Variants in FDFT1 observed in about 807,000 individuals in gnomAD.
FDFT1 encodes squalene synthase.
In FDFT1, 68 loss-of-function variants were observed where a neutral mutation model predicts 46.8. The observed-to-expected ratio is 1.45, with a 90% CI of 1.19 to 1.78. FDFT1 has a LOEUF of 1.78. Among genes scored for constraint, FDFT1 ranks in the 40% most tolerant of loss-of-function variants. The pLI, the probability that FDFT1 is intolerant of heterozygous loss-of-function variation, is 0.00. For missense variants in FDFT1, 928 were observed against 524.4 expected, an observed-to-expected ratio of 1.77 and a Z score of -7.52; for synonymous variants, 351 against 185.1, an observed-to-expected ratio of 1.90 and a Z score of -7.28.
chr8:11,804,903 C>T (rs1182604451), intron 1 of FDFT1, among the ~76,000 whole-genome samples: 3 of 140,230 alleles, frequency 2.1e-5, no homozygotes, highest in Non-Finnish European at 4.5e-5. Flanking sequence ...GCCACTGCAC[C>T]CGGCCTTTTT....
chr8:11,809,827 C>T lies in FDFT1; in HGVS notation c.358C>T (p.Gln120Ter), dbSNP rs1261805655. 6.2e-7 allele frequency: 1 copy of T among 1,613,742 alleles called. No individual in the cohort carries two copies. Among genetic ancestry groups the T allele is most frequent in the Non-Finnish European group, 8.5e-7 (1 of 1,179,766 alleles). The change falls in exon 3 of 8, where the codon CAG (glutamine) becomes TAG (stop). Residue 120 changes from glutamine (Q) to a stop codon, truncating the protein, a stop_gained. Coordinates refer to ENST00000220584, the MANE Select transcript of FDFT1 (RefSeq NM_004462.5). LOFTEE classifies it high-confidence loss of function. ...RFMESKEKDRQVLEDFPTISL... is the reference protein window; with the variant it reads ...RFMESKEKDR Reference sequence around the variant, plus strand: ...CATGGAGAGCAAGGAGAAGGATCGCCAGGTGCTGGAGGACTTCCCAACGGT... The same window carrying T: ...CATGGAGAGCAAGGAGAAGGATCGCTAGGTGCTGGAGGACTTCCCAACGGT...
chr8:11,804,272 T>A (rs997900688), intron 1 of FDFT1, among the ~76,000 whole-genome samples: 4 of 152,224 alleles, frequency 2.6e-5, no homozygotes, highest in African/African-American at 9.6e-5. Flanking sequence ...CAGACTTCAT[T>A]CCTCTATGTC....
chr8:11,818,571 ATAGT>A (rs1167713228), intron 3 of FDFT1, among the ~76,000 whole-genome samples: 1 of 152,188 alleles, frequency 6.6e-6, no homozygotes, highest in Non-Finnish European at 1.5e-5. Flanking sequence ...TATGTTTAAG[ATAGT>A]TAGCTCTTCT....
intron 7 of FDFT1, among the ~76,000 whole-genome samples, chr8:11,832,787 C>T (rs1029095345): frequency 2.6e-5 from 4 of 151,988 alleles, no homozygotes; most frequent in African/African-American, 9.7e-5. Context: ...AGGTGTGATC[C>T]TGTTGAGAAT....
upstream of FDFT1, among the ~76,000 whole-genome samples, chr8:11,798,715 C>G (rs368507732): frequency 6.6e-6 from 1 of 152,304 alleles, no homozygotes; most frequent in African/African-American, 2.4e-5. Context: ...CTATACGCAG[C>G]TCAATTCAAT....
chr8:11,826,359 A>T (rs1809990943), intron 5 of FDFT1, 144 bp downstream of exon 5: 2 of 535,326 alleles, frequency 3.7e-6, no homozygotes, highest in East Asian at 5.9e-5. Context: ...GGATAGCTTG[A>T]CATGAGTTTG....
intron 1 of FDFT1, among the ~76,000 whole-genome samples, chr8:11,804,045 A>G (rs923133541): frequency 2.0e-5 from 3 of 152,396 alleles, no homozygotes; most frequent in African/African-American, 7.2e-5. Flanking sequence ...TTTAACAAAT[A>G]TTTGACGACC....
At chr8:11,811,809 A>G (rs543049296) in intron 3 of FDFT1, among the ~76,000 whole-genome samples, 5 of 152,314 alleles carry the variant, frequency 3.3e-5, no homozygotes, top group African/African-American at 1.2e-4. Flanking sequence ...ATGAAGATGT[A>G]CTAAGTTGTG....
intron 7 of FDFT1, among the ~76,000 whole-genome samples, chr8:11,832,567 A>AAAAAAAAAAAAAAAT (rs1563341472): frequency 6.7e-6 from 1 of 149,048 alleles, no homozygotes; most frequent in Non-Finnish European, 1.5e-5. Flanking sequence ...AAAAAAAAAA[A>AAAAAAAAAAAAAAAT]AAAAAAAAAG....
intron 3 of FDFT1, among the ~76,000 whole-genome samples, chr8:11,810,655 G>C (rs2280943): frequency 6.6e-6 from 1 of 152,160 alleles, no homozygotes; most frequent in Non-Finnish European, 1.5e-5. Context: ...GTGGACATCT[G>C]CCTAGGTCCT....
At position 11,830,436 on chromosome 8, in the gene FDFT1, C is replaced by A; in HGVS notation, c.879+16C>A. On this transcript the variant is annotated intron_variant, in intron 6 of 7. Coordinates refer to ENST00000220584, the MANE Select transcript of FDFT1 (RefSeq NM_004462.5). ...TATTCCACAGGTAGGGAAGGGGGCT[C>A]CTCTGGGTGGATACGGGGCTAAAGG... 1 of 1,593,932 alleles carries A rather than the reference C, an allele frequency of 6.3e-7. No individual in the cohort carries two copies. Among genetic ancestry groups the A allele is most frequent in the Non-Finnish European group, 8.6e-7 (1 of 1,162,944 alleles).
intron 7 of FDFT1, among the ~76,000 whole-genome samples, chr8:11,835,672 G>C (rs925297595): frequency 6.6e-6 from 1 of 152,078 alleles, no homozygotes; most frequent in Non-Finnish European, 1.5e-5. Context: ...AAGTACAACA[G>C]GCTAACAAAG....
At chr8:11,821,694 G>A in intron 3 of FDFT1, 56 bp from the exon 4 acceptor site, 1 of 1,588,616 alleles carries the variant, frequency 6.3e-7, no homozygotes, top group South Asian at 1.1e-5. Flanking sequence ...TGTGATCTTT[G>A]GTGCCATGTC....
intron 3 of FDFT1, among the ~76,000 whole-genome samples, chr8:11,817,660 T>G (rs1385511321): frequency 1.3e-5 from 2 of 152,236 alleles, no homozygotes; most frequent in African/African-American, 4.8e-5. Flanking sequence ...CATAGAGGTG[T>G]TGATAGTATT....
At position 11,826,079 on chromosome 8, in the gene FDFT1, C is replaced by T. The variant is rs1051985405; in HGVS notation, c.566C>T (p.Ala189Val). The T allele has an allele frequency of 3.7e-6, 6 of 1,608,252 alleles. No individual in the cohort carries two copies. In the African/African-American group the frequency reaches 5.3e-5, roughly 14 times the overall value. ...VGIGLSRLFS[A>V]SEFEDPLVGE... is the part of the protein sequence containing the mutation. ...ATTGGCCTTTCCCGTCTTTTCTCAG[C>T]CTCAGAGTTTGAAGACCCCTTAGTT... is the stretch of plus-strand genomic sequence containing the variant. Residue 189 changes from alanine to valine, a missense_variant, in exon 5 of 8, where the codon GCC becomes GTC. Ala to Val is a moderately conservative substitution (Grantham distance 64). Transcript: ENST00000220584.
At position 11,830,396 on chromosome 8, in the gene FDFT1, G is replaced by T. The variant is rs747279017; in HGVS notation, c.855G>T (p.Val285=). The change falls in exon 6 of 8, where the codon GTG becomes GTT. Residue 285 remains valine, a synonymous_variant. Coordinates refer to ENST00000220584, the MANE Select transcript of FDFT1 (RefSeq NM_004462.5). ...TTTCGAGACTCAGAAACCAGAGTGTGTTTAACTTCTGTGCTATTCCACAGG... is the reference window on the plus strand; with the variant it reads ...TTTCGAGACTCAGAAACCAGAGTGTTTTTAACTTCTGTGCTATTCCACAGG... ...TYLSRLRNQS[V]FNFCAIPQVM... 4 of 1,613,654 alleles carry T rather than the reference G, an allele frequency of 2.5e-6. No individual in the cohort carries two copies. Among genetic ancestry groups the T allele is most frequent in the Admixed American group, 1.7e-5 (1 of 60,010 alleles).
intron 4 of FDFT1, among the ~76,000 whole-genome samples, chr8:11,824,890 C>A (rs1037145860): frequency 1.3e-5 from 2 of 152,140 alleles, no homozygotes; most frequent in Non-Finnish European, 2.9e-5. Flanking sequence ...CACCCGCCAC[C>A]AGGCCAGCTA....
At chr8:11,814,748 A>T (rs184119324) in intron 3 of FDFT1, among the ~76,000 whole-genome samples, 1 of 152,376 alleles carries the variant, frequency 6.6e-6, no homozygotes, top group East Asian at 1.9e-4. Context: ...TTAAAAGTAT[A>T]GCCTTAATAG....
chr8:11,802,448 C>T (rs774447280), upstream of FDFT1: 3 of 462,554 alleles, frequency 6.5e-6, no homozygotes, highest in East Asian at 6.7e-5. Flanking sequence ...TTCGCGCTCC[C>T]AGCCGGGGTA....
Sources: allele counts gnomAD v4.1 joint callset (sites outside exome capture counted in the v4.1 genomes callset), GRCh38; gene constraint gnomAD v4.1.1; transcripts MANE v1.5; gene names NCBI Gene and HGNC (gene_info 2026-07-23, HGNC 2026-07-21).